The following KCNIP4 variants were observed in gnomAD, a reference collection of about 807,000 sequenced individuals.
KCNIP4 encodes the protein Kv channel-interacting protein 4.
A neutral mutation model predicts 34.0 loss-of-function variants in KCNIP4; 12 were observed. The ratio of observed to expected loss-of-function variants is 0.35; its 90% CI spans 0.23 to 0.57. The LOEUF is 0.57. Among genes scored for constraint, KCNIP4 ranks in the 20% least tolerant of loss-of-function variants. The probability of loss-of-function intolerance (pLI) is 0.83; values close to 1 mark genes in which losing one functional copy is unlikely to be tolerated. For synonymous variants in KCNIP4, 124 were observed against 102.2 expected (o/e 1.21, Z -1.29); for missense variants, 238 against 311.7 (o/e 0.76, Z 1.78).
At chr4:21,201,767 G>C (rs1396790289) in intron 1 of KCNIP4, among the ~76,000 whole-genome samples, 1 of 152,120 alleles carries the variant, frequency 6.6e-6, no homozygotes. Flanking sequence ...CAAAATGCTG[G>C]GATTATAGGC....
chr4:21,058,106 G>A (rs1743580432), intron 1 of KCNIP4, among the ~76,000 whole-genome samples: 1 of 152,056 alleles, frequency 6.6e-6, no homozygotes, highest in Non-Finnish European at 1.5e-5. Flanking sequence ...AATGACTCAG[G>A]TTGAAAAATA....
chr4:21,239,971 A>G lies in KCNIP4; in HGVS notation c.62-357262T>C, dbSNP rs544197690. On this transcript the variant is annotated intron_variant, in intron 1 of 8. Transcript: ENST00000382152. Reference sequence around the variant, plus strand: ...TCACAATAGCAAAGACTTGGAACCAACCCAAATGTCCAACAATGATAGATT... The same window carrying G: ...TCACAATAGCAAAGACTTGGAACCAGCCCAAATGTCCAACAATGATAGATT... Among the ~76,000 whole-genome samples, 721 of 152,128 alleles carry G rather than the reference A, an allele frequency of 4.7e-3. 4 individuals carry two copies. The highest frequency in any genetic ancestry group is 0.017 in the African/African-American group (685 of 41,492).
In KCNIP4 at chr4:20,808,969, A is replaced by G. The variant is rs538197616; in HGVS notation, c.288+41574T>C. 1.1e-4 allele frequency among the ~76,000 whole-genome samples: 16 copies of G among 152,308 alleles called. No individual in the cohort carries two copies. In the South Asian group the frequency reaches 3.3e-3, roughly 32 times the overall value. ...TCCTCTCTCACTCTCAGCAAAATCA[A>G]TGAGCTAAAAAGATTAGGAACCATC... On this transcript the variant is annotated intron_variant, in intron 3 of 8. Coordinates refer to ENST00000382152, the MANE Select transcript of KCNIP4 (RefSeq NM_025221.6).
chr4:21,612,688 G>C (rs1744251270), intron 1 of KCNIP4, among the ~76,000 whole-genome samples: 1 of 152,042 alleles, frequency 6.6e-6, no homozygotes, highest in Non-Finnish European at 1.5e-5. Context: ...AAATAGATGG[G>C]GCAGAAATGG....
chr4:21,934,162 T>C (rs1397488528), intron 1 of KCNIP4, among the ~76,000 whole-genome samples: 1 of 152,022 alleles, frequency 6.6e-6, no homozygotes, highest in Non-Finnish European at 1.5e-5. Context: ...TGAGCAGCTA[T>C]GCAAATGCAA....
At chr4:21,792,414 C>T (rs1459847580) in intron 1 of KCNIP4, among the ~76,000 whole-genome samples, 2 of 152,082 alleles carry the variant, frequency 1.3e-5, no homozygotes, top group African/African-American at 2.4e-5. Context: ...GAAGTGTGTG[C>T]TAATGGCATA....
chr4:21,000,549 G>T (rs141193581), intron 1 of KCNIP4, among the ~76,000 whole-genome samples: 1,649 of 152,212 alleles, frequency 0.011, 33 homozygotes, highest in African/African-American at 0.037. Flanking sequence ...GCCAGGTGTG[G>T]TGGTGCATGC....
chr4:21,455,700 A>G (rs2109756952), intron 1 of KCNIP4, among the ~76,000 whole-genome samples: 1 of 148,586 alleles, frequency 6.7e-6, no homozygotes, highest in South Asian at 2.2e-4. Flanking sequence ...TTCTATCTAC[A>G]ACACCCTTTT....
At chr4:21,053,132 T>C (rs1450490910) in intron 1 of KCNIP4, among the ~76,000 whole-genome samples, 4 of 152,008 alleles carry the variant, frequency 2.6e-5, no homozygotes, top group African/African-American at 4.8e-5. Flanking sequence ...CAGATAAATA[T>C]AAATAAGTGA....
chr4:20,974,011 A>C (rs1055008757), intron 1 of KCNIP4, among the ~76,000 whole-genome samples: 5 of 152,240 alleles, frequency 3.3e-5, no homozygotes, highest in African/African-American at 9.6e-5. Context: ...AAATTCCAAA[A>C]TGTGATACAA....
intron 1 of KCNIP4, among the ~76,000 whole-genome samples, chr4:21,602,716 ACT>A: frequency 6.6e-6 from 1 of 152,134 alleles, no homozygotes; most frequent in African/African-American, 2.4e-5. Flanking sequence ...AGCTGTGGGT[ACT>A]CATCTTTTTG....
chr4:21,477,345 T>A (rs1002506785), intron 1 of KCNIP4, among the ~76,000 whole-genome samples: 7 of 152,124 alleles, frequency 4.6e-5, no homozygotes, highest in Admixed American at 3.3e-4. Context: ...ATGAGCTCAT[T>A]TTATAGTCTC....
At chr4:21,809,155 AT>A (rs990379354) in intron 1 of KCNIP4, among the ~76,000 whole-genome samples, 14 of 152,134 alleles carry the variant, frequency 9.2e-5, no homozygotes, top group Non-Finnish European at 1.8e-4. Context: ...TAAGTAGACT[AT>A]GTAAAGAAGA....
chr4:21,436,854 C>G (rs186195808), intron 1 of KCNIP4, among the ~76,000 whole-genome samples: 14 of 152,222 alleles, frequency 9.2e-5, no homozygotes, highest in Non-Finnish European at 1.9e-4. Context: ...TGGTAGCAGA[C>G]CACACTTATC....
At chr4:21,116,071 A>C (rs1749649446) in intron 1 of KCNIP4, among the ~76,000 whole-genome samples, 1 of 152,178 alleles carries the variant, frequency 6.6e-6, no homozygotes, top group South Asian at 2.1e-4. Context: ...ACACCAGCAA[A>C]GAAAAAGTCA....
At chr4:21,071,900 T>C (rs1744972639) in intron 1 of KCNIP4, among the ~76,000 whole-genome samples, 1 of 152,210 alleles carries the variant, frequency 6.6e-6, no homozygotes, top group Admixed American at 6.5e-5. Flanking sequence ...GTGTTTGGTT[T>C]TTTGTCCTTG....
intron 1 of KCNIP4, among the ~76,000 whole-genome samples, chr4:21,518,137 C>T (rs1479589924): frequency 6.6e-6 from 1 of 152,102 alleles, no homozygotes; most frequent in Non-Finnish European, 1.5e-5. Context: ...CATAGTGCCT[C>T]ATCCCTGAAT....
chr4:21,567,928 G>A (rs1244553594), intron 1 of KCNIP4, among the ~76,000 whole-genome samples: 6 of 152,170 alleles, frequency 3.9e-5, no homozygotes, highest in East Asian at 1.9e-4. Flanking sequence ...AGTTCACAAC[G>A]CAGAAGGGGA....
chr4:20,963,355 A>T (rs1046063931), intron 1 of KCNIP4, among the ~76,000 whole-genome samples: 4 of 151,836 alleles, frequency 2.6e-5, no homozygotes, highest in African/African-American at 9.7e-5. Context: ...CAACAAAAAA[A>T]GAAAGTATAA....
Sources: gnomAD v4.1 joint callset for allele counts (sites outside exome capture counted in the v4.1 genomes callset) on GRCh38, gnomAD v4.1.1 for gene constraint, MANE v1.5 for transcripts, NCBI Gene and HGNC (gene_info 2026-07-23, HGNC 2026-07-21) for gene names.